SH2B1: variants seen among roughly 807,000 people sequenced by gnomAD.
SH2B1 encodes SH2B adaptor protein 1.
In SH2B1, 15 loss-of-function variants were observed where a neutral mutation model predicts 62.6. The ratio of observed to expected loss-of-function variants is 0.24; its 90% CI spans 0.16 to 0.37. The LOEUF (loss-of-function observed/expected upper bound fraction) is 0.37, where lower values mean the gene tolerates loss of function less well. Among genes scored for constraint, SH2B1 ranks in the 10% least tolerant of loss-of-function variants. The pLI, the probability that SH2B1 is intolerant of heterozygous loss-of-function variation, is 1.00. For synonymous variants in SH2B1, 443 were observed against 438.0 expected (o/e 1.01, Z -0.14); for missense variants, 925 against 1,015.6 (o/e 0.91, Z 1.21).
In SH2B1 at chr16:28,855,499, G is replaced by C. The variant is rs1040919621; in HGVS notation, c.-300-6119G>C. Among the ~76,000 whole-genome samples the C allele has an allele frequency of 2.0e-5, 3 of 152,142 alleles. No individual in the cohort carries two copies. In the East Asian group the frequency reaches 5.8e-4, roughly 29 times the overall value. On this transcript the variant is annotated intron_variant, in intron 1 of 10. Transcript: ENST00000322610. ...GCCTCCCAAATTGCTGGGAGTACAG[G>C]CATGAGCCACCGCGCCCGGCCCCCA...
Position 28,863,923 on chromosome 16 carries a change from T to G in SH2B1, c.-2172T>G. ...CCGCCGCCGCCGCCGCCGCCGGAGC[T>G]AACCTCGGGGACCGAGATGCAGGTG... On this transcript the variant is annotated 5_prime_UTR_variant, in exon 1 of 8. Coordinates refer to ENST00000684370, the MANE Select transcript of SH2B1 (RefSeq NM_001387430.1). 6.7e-7 allele frequency: 1 copy of G among 1,484,706 alleles called. No homozygotes were observed. Among genetic ancestry groups the G allele is most frequent in the Admixed American group, 2.3e-5 (1 of 42,768 alleles). The allele number at this position is 1,484,706 out of a possible 1,614,324, so 92.0% of individuals were successfully genotyped here. A position where few individuals can be genotyped will look rare whatever the true frequency, so the allele number is the denominator to read the frequency against.
At chr16:28,860,230 T>C (rs1258013252), upstream of SH2B1, among the ~76,000 whole-genome samples, 1 of 151,868 alleles carries the variant, frequency 6.6e-6, no homozygotes, top group Non-Finnish European at 1.5e-5. Flanking sequence ...CTCTCCACAT[T>C]TTTCCTCCCA....
At chr16:28,863,799 T>A, upstream of SH2B1, 1 of 1,535,326 alleles carries the variant, frequency 6.5e-7, no homozygotes, top group Non-Finnish European at 8.7e-7. Context: ...TTCTCTATGG[T>A]CTCTTCCTTC....
chr16:28,848,138 A>G (rs1427100013), intron 1 of SH2B1, among the ~76,000 whole-genome samples: 2 of 151,062 alleles, frequency 1.3e-5, no homozygotes, highest in Admixed American at 1.3e-4. Context: ...GAAAGACCCC[A>G]TCTCTATAAA....
In SH2B1 at chr16:28,874,022, G is replaced by C; in HGVS notation, c.*202G>C. ...TCCCCTCCCCAGGGCAGGGGATTTG[G>C]GCTCCATGAGCTCCTTGAGGGGCTC... is the stretch of plus-strand genomic sequence containing the variant. On this transcript the variant is annotated 3_prime_UTR_variant, in exon 8 of 8. Transcript: ENST00000684370. 1 of 441,318 alleles carries C rather than the reference G, an allele frequency of 2.3e-6. No individual in the cohort carries two copies. Among genetic ancestry groups the C allele is most frequent in the Non-Finnish European group, 3.8e-6 (1 of 265,944 alleles). 27.3% of individuals were successfully genotyped at this position (441,318 alleles called of 1,614,324 possible).
intron 1 of SH2B1, among the ~76,000 whole-genome samples, chr16:28,851,223 C>T (rs1962092083): frequency 6.6e-6 from 1 of 151,164 alleles, no homozygotes; most frequent in African/African-American, 2.4e-5. Context: ...TCTCCACTTC[C>T]TCTCACTCTC....
In SH2B1 at chr16:28,864,224, C is replaced by A; in HGVS notation, c.-1871C>A. The A allele has an allele frequency of 2.0e-6, 2 of 1,019,132 alleles. No individual in the cohort carries two copies. Among genetic ancestry groups the A allele is most frequent in the Non-Finnish European group, 2.4e-6 (2 of 850,586 alleles). 63.1% of individuals were successfully genotyped at this position (1,019,132 alleles called of 1,614,324 possible). On this transcript the variant is annotated 5_prime_UTR_variant, in exon 1 of 8. Transcript: ENST00000684370. ...CCGAGAGCGGAGCCTGCACCCTCCA[C>A]CTCCCGCCCTTCGGGAAATATCAGA...
intron 4 of SH2B1, among the ~76,000 whole-genome samples, chr16:28,871,040 C>G (rs1033831529): frequency 4.8e-5 from 7 of 147,116 alleles, no homozygotes; most frequent in African/African-American, 1.8e-4. Flanking sequence ...TGTTTTGAGA[C>G]AGAGGCTTGC....
At chr16:28,863,727 G>T (rs1389983303), upstream of SH2B1, 2 of 1,535,716 alleles carry the variant, frequency 1.3e-6, no homozygotes, top group Admixed American at 3.9e-5. Context: ...GTCTCCTGGG[G>T]TCGGCGCCGA....
Position 28,872,095 on chromosome 16 carries a change from A to G in SH2B1, c.1514-95A>G. ...AGGGGAGTTGGGGACGCATGTGGGGAGCAGGCGCCTTGAGGGGAAGGCAAG... is the reference window on the plus strand; with the variant it reads ...AGGGGAGTTGGGGACGCATGTGGGGGGCAGGCGCCTTGAGGGGAAGGCAAG... On this transcript the variant is annotated intron_variant, in intron 5 of 7. Transcript: ENST00000684370. This position sits in a 1 kb window ranked among gnomAD's most constrained non-coding sequence, Gnocchi z 5.3. 1 of 1,388,996 alleles carries G rather than the reference A, an allele frequency of 7.2e-7. No individual in the cohort carries two copies. The highest frequency in any genetic ancestry group is 1.0e-6 in the Non-Finnish European group (1 of 986,960). 86.0% of individuals were successfully genotyped at this position (1,388,996 alleles called of 1,614,324 possible). A position where few individuals can be genotyped will look rare whatever the true frequency, so the allele number is the denominator to read the frequency against.
chr16:28,852,230 TTACATATATA>T (rs1962120486), intron 1 of SH2B1, among the ~76,000 whole-genome samples: 1 of 75,434 alleles, frequency 1.3e-5, no homozygotes, highest in African/African-American at 6.7e-5. Context: ...ACATATATAT[TTACATATATA>T]TATTTACATA....
Position 28,871,904 on chromosome 16 carries a change from T to A in SH2B1, c.1434T>A (p.Ile478=). The A allele has an allele frequency of 6.9e-7, 1 of 1,448,664 alleles. No homozygotes were observed. Among genetic ancestry groups the A allele is most frequent in the Non-Finnish European group, 9.4e-7 (1 of 1,069,114 alleles). The allele number at this position is 1,448,664 out of a possible 1,614,324, so 89.7% of individuals were successfully genotyped here. A position where few individuals can be genotyped will look rare whatever the true frequency, so the allele number is the denominator to read the frequency against. Residue 478 remains isoleucine (I), a synonymous_variant, in exon 5 of 8, where the codon ATT becomes ATA. Transcript: ENST00000684370. Reference sequence around the variant, plus strand: ...CAGAGTTGCCCCCCCGCATCCCCATTGAAGAGGGACCCCCAACAGGGACAG... The same window carrying A: ...CAGAGTTGCCCCCCCGCATCCCCATAGAAGAGGGACCCCCAACAGGGACAG... The part of the protein sequence containing the change: ...LPPELPPRIP[I]EEGPPTGTVH...
At chr16:28,862,234 T>C (rs931197787), upstream of SH2B1, 1 of 152,200 alleles carries the variant, frequency 6.6e-6, no homozygotes, top group East Asian at 1.9e-4. Context: ...TGTCTCTTCT[T>C]AGCTCCAGAC....
At position 28,872,844 on chromosome 16, in the gene SH2B1, T is replaced by C. The variant is rs1963117224; in HGVS notation, c.1897+139T>C. The C allele has an allele frequency of 8.6e-7, 1 of 1,162,204 alleles. No individual in the cohort carries two copies. The highest frequency in any genetic ancestry group is 2.0e-5 in the Admixed American group (1 of 49,830). The allele number at this position is 1,162,204 out of a possible 1,614,324, so 72.0% of individuals were successfully genotyped here. A position where few individuals can be genotyped will look rare whatever the true frequency, so the allele number is the denominator to read the frequency against. On this transcript the variant is annotated intron_variant, in intron 7 of 7. Coordinates refer to ENST00000684370, the MANE Select transcript of SH2B1 (RefSeq NM_001387430.1). The surrounding 1 kb of genome is among the most constrained non-coding windows in gnomAD (Gnocchi z 5.3). Reference sequence around the variant, plus strand: ...GGGAGAGCAGGGTAGAGGAGGCTGTTGTGCCTCGGGGTTTGGAAGGGAAAG... The same window carrying C: ...GGGAGAGCAGGGTAGAGGAGGCTGTCGTGCCTCGGGGTTTGGAAGGGAAAG...
rs1962765376 is a variant in SH2B1 at position 28,867,239 on chromosome 16, A to C, written c.940-92A>C. ...TGACTGCCTTTTGTCTAACTTCCCGAGGATGTAGAAGGAAAGATGAATGTC... is the reference window on the plus strand; with the variant it reads ...TGACTGCCTTTTGTCTAACTTCCCGCGGATGTAGAAGGAAAGATGAATGTC... On this transcript the variant is annotated intron_variant, in intron 1 of 7. Coordinates refer to ENST00000684370, the MANE Select transcript of SH2B1 (RefSeq NM_001387430.1). The C allele has an allele frequency of 4.8e-6, 6 of 1,249,980 alleles. No homozygotes were observed. In the East Asian group the frequency reaches 1.4e-4, roughly 29 times the overall value. The allele number at this position is 1,249,980 out of a possible 1,614,324, so 77.4% of individuals were successfully genotyped here. A position where few individuals can be genotyped will look rare whatever the true frequency, so the allele number is the denominator to read the frequency against.
intron 4 of SH2B1, among the ~76,000 whole-genome samples, chr16:28,871,032 T>TGTGTGTGTG (rs1962999200): frequency 6.7e-6 from 1 of 148,850 alleles, no homozygotes; most frequent in Non-Finnish European, 1.5e-5. Context: ...TGTGTGTGTG[T>TGTGTGTGTG]TTTGAGACAG....
rs367970527 is a variant in SH2B1 at position 28,848,417 on chromosome 16, G to A, written c.-301+1590G>A. On this transcript the variant is annotated intron_variant, in intron 1 of 10. Transcript: ENST00000322610. ...GGTGCCACTGCACTCCACCCTGGGCGACACAGCGAGACTCCGTCTCCAAAA... is the reference window on the plus strand; with the variant it reads ...GGTGCCACTGCACTCCACCCTGGGCAACACAGCGAGACTCCGTCTCCAAAA... Among the ~76,000 whole-genome samples the A allele has an allele frequency of 3.3e-4, 50 of 151,958 alleles. 2 individuals are homozygous for A. Among genetic ancestry groups the A allele is most frequent in the Admixed American group, 8.5e-4 (13 of 15,260 alleles).
In SH2B1 at chr16:28,873,281, C is replaced by T. The variant is rs1963149351; in HGVS notation, c.1898-166C>T. 1 of 1,602,202 alleles carries T rather than the reference C, an allele frequency of 6.2e-7. No individual in the cohort carries two copies. Among genetic ancestry groups the T allele is most frequent in the Non-Finnish European group, 8.5e-7 (1 of 1,174,686 alleles). ...GCGAGTGACTGTGTGTAAGTGTGGT[C>T]CTCCTCTCACCACCGCCCATGATCC... On this transcript the variant is annotated intron_variant, in intron 7 of 7. Transcript: ENST00000684370. This position sits in a 1 kb window ranked among gnomAD's most constrained non-coding sequence, Gnocchi z 4.2.
chr16:28,868,985 G>A lies in SH2B1; in HGVS notation c.1042-21G>A, dbSNP rs533105111. The A allele has an allele frequency of 3.3e-5, 52 of 1,598,078 alleles. 1 individual carries two copies. In the South Asian group the frequency reaches 5.7e-4, roughly 18 times the overall value. ...TCCTCCCTGCCCCTGCCCCAGCTGA[G>A]GCGTCGTCTCATCTCTGTAGGTGGA... is the stretch of plus-strand genomic sequence containing the variant. On this transcript the variant is annotated intron_variant, in intron 2 of 7. Coordinates refer to ENST00000684370, the MANE Select transcript of SH2B1 (RefSeq NM_001387430.1).
Sources: gnomAD v4.1 joint callset for allele counts (sites outside exome capture counted in the v4.1 genomes callset) on GRCh38, gnomAD v4.1.1 for gene constraint, Gnocchi (gnomAD v3.1) non-coding constraint, MANE v1.5 for transcripts, NCBI Gene and HGNC (gene_info 2026-07-23, HGNC 2026-07-21) for gene names.